LRCH2: variants seen among roughly 807,000 people sequenced by gnomAD.
LRCH2 encodes the protein leucine-rich repeat and calponin homology domain-containing protein 2.
In LRCH2, 38 loss-of-function variants were observed where a neutral mutation model predicts 68.9. The observed-to-expected ratio is 0.55, with a 90% CI of 0.43 to 0.72. LRCH2 has a LOEUF of 0.72. Ranked by LOEUF, LRCH2 falls within the 30% of genes least tolerant of loss-of-function variation. LRCH2 has a pLI of 0.00. For synonymous variants in LRCH2, 191 were observed against 208.1 expected, an observed-to-expected ratio of 0.92 and a Z score of 0.71; for missense variants, 528 against 572.9, an observed-to-expected ratio of 0.92 and a Z score of 0.80.
chrX:115,147,445 TCTC>T (rs1332052302), intron 14 of LRCH2, among the ~76,000 whole-genome samples: 2 of 111,508 alleles, frequency 1.8e-5, no homozygotes, highest in African/African-American at 6.5e-5. Context: ...GAACTACACA[TCTC>T]CTTAAAACAT....
At chrX:115,177,320 T>A (rs906248902) in intron 5 of LRCH2, among the ~76,000 whole-genome samples, 13 of 110,685 alleles carry the variant, frequency 1.2e-4, no homozygotes, top group African/African-American at 3.9e-4. Context: ...TGAGCTTCCA[T>A]CTATCTGGTG....
intron 1 of LRCH2, chrX:115,192,097 T>C (rs1569516069): frequency 5.2e-6 from 6 of 1,164,037 alleles, no homozygotes; most frequent in Non-Finnish European, 6.9e-6. Context: ...CGGGGACCAC[T>C]ACACCGAAGC....
intron 1 of LRCH2, among the ~76,000 whole-genome samples, chrX:115,202,449 C>G (rs782420082): frequency 9.0e-6 from 1 of 111,688 alleles, no homozygotes; most frequent in East Asian, 2.8e-4. Flanking sequence ...GTGACAGATT[C>G]TCTGAATCCC....
At chrX:115,167,085 G>A (rs1264443238) in intron 6 of LRCH2, among the ~76,000 whole-genome samples, 1 of 100,889 alleles carries the variant, frequency 9.9e-6, no homozygotes, top group Non-Finnish European at 2.0e-5. Context: ...CCAAGGATAC[G>A]CAACTTGCAG....
intron 14 of LRCH2, among the ~76,000 whole-genome samples, chrX:115,144,047 A>G (rs2072361580): frequency 9.0e-6 from 1 of 111,643 alleles, no homozygotes; most frequent in Admixed American, 9.5e-5. Flanking sequence ...GGAGGTAACT[A>G]AATCATGGGG....
chrX:115,132,383 G>A (rs969376159), intron 14 of LRCH2, among the ~76,000 whole-genome samples: 1 of 111,420 alleles, frequency 9.0e-6, no homozygotes, highest in Non-Finnish European at 1.9e-5. Context: ...TCAAAGATCA[G>A]ATGGTTGTCG....
chrX:115,190,408 T>A (rs782002016), intron 1 of LRCH2: 2 of 1,163,479 alleles, frequency 1.7e-6, no homozygotes. Flanking sequence ...ACCGCCATCT[T>A]ATGGAGGAGG....
chrX:115,199,811 T>C (rs62601534), intron 1 of LRCH2, among the ~76,000 whole-genome samples: 11,820 of 111,915 alleles, frequency 0.11, 606 homozygotes, highest in Non-Finnish European at 0.16. Context: ...CTAACAAATT[T>C]ACAGAACATT....
intron 20 of LRCH2, among the ~76,000 whole-genome samples, chrX:115,121,095 G>A (rs1318884131): frequency 1.9e-5 from 2 of 106,928 alleles, no homozygotes; most frequent in Non-Finnish European, 3.8e-5. Flanking sequence ...TGGGTGCAGC[G>A]CACCAGCATG....
At chrX:115,195,497 T>C (rs949436573) in intron 1 of LRCH2, among the ~76,000 whole-genome samples, 21 of 108,480 alleles carry the variant, frequency 1.9e-4, no homozygotes, top group African/African-American at 7.0e-4. Context: ...GTTCAAAAAG[T>C]GACAGGAGGA....
rs782442491 is a variant in LRCH2 at position 115,156,250 on chromosome X, T to C, written c.1529+352A>G. On this transcript the variant is annotated intron_variant, in intron 12 of 20. Coordinates refer to ENST00000317135, the MANE Select transcript of LRCH2 (RefSeq NM_020871.4). ...CATAGAAGAATTTAGTACCACCCAA[T>C]TGAAAAGAAATGAAAACATAAACAG... is the stretch of plus-strand genomic sequence containing the variant. Among the ~76,000 whole-genome samples the C allele has an allele frequency of 4.5e-5, 5 of 111,259 alleles. No individual in the cohort carries two copies. The South Asian group carries it at 1.5e-3, about 33-fold the overall frequency.
chrX:115,176,618 A>C (rs893494791), intron 5 of LRCH2, among the ~76,000 whole-genome samples: 5 of 111,542 alleles, frequency 4.5e-5, no homozygotes, highest in Admixed American at 1.9e-4. Context: ...CACACACACA[A>C]AAAATAAATG....
chrX:115,208,877 C>T (rs1050323535), intron 1 of LRCH2, among the ~76,000 whole-genome samples: 2 of 111,813 alleles, frequency 1.8e-5, no homozygotes, highest in Non-Finnish European at 1.9e-5. Flanking sequence ...ACTTTTATCT[C>T]TGGCCCTAAA....
At chrX:115,114,661 ACAC>A (rs1219824400) in intron 20 of LRCH2, among the ~76,000 whole-genome samples, 1 of 111,184 alleles carries the variant, frequency 9.0e-6, no homozygotes, top group Non-Finnish European at 1.9e-5. Context: ...AAGGGAAGTG[ACAC>A]CACAAGATAT....
At chrX:115,227,505 C>T (rs2073126905) in intron 1 of LRCH2, among the ~76,000 whole-genome samples, 1 of 109,679 alleles carries the variant, frequency 9.1e-6, no homozygotes, top group Non-Finnish European at 1.9e-5. Flanking sequence ...TTCTTACATA[C>T]TCATTAAGGT....
intron 6 of LRCH2, among the ~76,000 whole-genome samples, chrX:115,167,200 A>G (rs2072567439): frequency 1.0e-5 from 1 of 100,145 alleles, no homozygotes; most frequent in Non-Finnish European, 2.0e-5. Flanking sequence ...CTAAAAAAAA[A>G]AAAAAAAAAA....
At chrX:115,130,769 G>T (rs1316266075) in intron 14 of LRCH2, among the ~76,000 whole-genome samples, 3 of 111,802 alleles carry the variant, frequency 2.7e-5, no homozygotes, top group Admixed American at 9.5e-5. Flanking sequence ...CTTGCTATAT[G>T]CCAGGCACTG....
chrX:115,124,495 C>T (rs2072169378), intron 16 of LRCH2, among the ~76,000 whole-genome samples: 1 of 111,885 alleles, frequency 8.9e-6, no homozygotes, highest in South Asian at 3.7e-4. Context: ...ATCTTTCACA[C>T]ACAGTGGTTT....
chrX:115,120,391 A>ATT (rs1376071837), intron 20 of LRCH2, among the ~76,000 whole-genome samples: 1 of 84,423 alleles, frequency 1.2e-5, no homozygotes, highest in Non-Finnish European at 2.3e-5. Flanking sequence ...AAAAGAAGAC[A>ATT]TTTATGCAGC....
Sources: gnomAD v4.1 joint callset for allele counts (sites outside exome capture counted in the v4.1 genomes callset) on GRCh38, gnomAD v4.1.1 for gene constraint, MANE v1.5 for transcripts, NCBI Gene and HGNC (gene_info 2026-07-23, HGNC 2026-07-21) for gene names.